Variants in LDLRAD3 observed in about 807,000 individuals in gnomAD.
The protein encoded by LDLRAD3 is low-density lipoprotein receptor class A domain-containing protein 3.
A neutral mutation model predicts 29.4 loss-of-function variants in LDLRAD3; 20 were observed. The observed-to-expected ratio is 0.68, with a 90% CI of 0.48 to 0.99. LDLRAD3 has a LOEUF of 0.99. LDLRAD3 is among the 50% of genes least tolerant of loss of function. The pLI is 0.00. For synonymous variants in LDLRAD3, 157 were observed against 192.7 expected (o/e 0.81, Z 1.53); for missense variants, 420 against 454.3 (o/e 0.92, Z 0.69).
intron 4 of LDLRAD3, among the ~76,000 whole-genome samples, chr11:36,130,662 G>A (rs536077488): frequency 1.3e-5 from 2 of 152,274 alleles, no homozygotes; most frequent in East Asian, 3.9e-4. Context: ...TGCTTTGTGC[G>A]AGTCATTCAG....
At chr11:35,977,921 G>A (rs1222171790) in intron 1 of LDLRAD3, among the ~76,000 whole-genome samples, 1 of 152,134 alleles carries the variant, frequency 6.6e-6, no homozygotes, top group Non-Finnish European at 1.5e-5. Flanking sequence ...AAGAATTTTG[G>A]AGGTACACAG....
intron 1 of LDLRAD3, among the ~76,000 whole-genome samples, chr11:35,972,102 T>A (rs192464984): frequency 1.5e-4 from 23 of 152,104 alleles, no homozygotes; most frequent in Middle Eastern, 3.4e-3. Context: ...AGTACTGGCA[T>A]CTAGATGACC....
chr11:36,174,763 C>T (rs1356391939), intron 4 of LDLRAD3, among the ~76,000 whole-genome samples: 4 of 152,116 alleles, frequency 2.6e-5, no homozygotes, highest in Non-Finnish European at 4.4e-5. Flanking sequence ...AGGCGGATCA[C>T]GAGGTCAGGA....
intron 2 of LDLRAD3, among the ~76,000 whole-genome samples, chr11:36,078,181 C>T (rs542247768): frequency 6.6e-6 from 1 of 152,262 alleles, no homozygotes; most frequent in South Asian, 2.1e-4. Flanking sequence ...ATGGGCAGGC[C>T]TGGAAAAGTT....
intron 1 of LDLRAD3, among the ~76,000 whole-genome samples, chr11:35,970,735 C>G (rs971201496): frequency 3.3e-5 from 5 of 152,194 alleles, no homozygotes; most frequent in Admixed American, 6.5e-5. Context: ...ATGCCGCTGC[C>G]AAGTCCATGC....
chr11:36,004,080 G>A (rs114354446), intron 1 of LDLRAD3, among the ~76,000 whole-genome samples: 12 of 152,210 alleles, frequency 7.9e-5, no homozygotes, highest in African/African-American at 2.2e-4. Flanking sequence ...TATTGCACCC[G>A]TGACCCCTCC....
chr11:36,122,745 G>A (rs1236395655), intron 4 of LDLRAD3, among the ~76,000 whole-genome samples: 1 of 152,104 alleles, frequency 6.6e-6, no homozygotes, highest in Non-Finnish European at 1.5e-5. Context: ...ACTGCCTGGT[G>A]TGATGGTTCA....
At chr11:36,146,452 T>C (rs1854195326) in intron 4 of LDLRAD3, among the ~76,000 whole-genome samples, 1 of 152,254 alleles carries the variant, frequency 6.6e-6, no homozygotes, top group Non-Finnish European at 1.5e-5. Flanking sequence ...ATAAGCTGCT[T>C]CTACATATCA....
intron 4 of LDLRAD3, among the ~76,000 whole-genome samples, chr11:36,224,109 T>A (rs952706252): frequency 6.7e-6 from 1 of 149,560 alleles, no homozygotes; most frequent in Non-Finnish European, 1.5e-5. Context: ...TAATAATAAT[T>A]ATTATTTTGT....
At chr11:36,078,322 T>C (rs1270990061) in intron 2 of LDLRAD3, among the ~76,000 whole-genome samples, 2 of 152,210 alleles carry the variant, frequency 1.3e-5, no homozygotes, top group African/African-American at 2.4e-5. Context: ...CCTTTCATGG[T>C]GCCCAGGTTT....
chr11:36,178,057 G>A (rs1228780914), intron 4 of LDLRAD3, among the ~76,000 whole-genome samples: 1 of 152,164 alleles, frequency 6.6e-6, no homozygotes, highest in Non-Finnish European at 1.5e-5. Context: ...TCCTGTGGTG[G>A]TTTTTGGAGC....
At chr11:36,185,074 A>T (rs1396213080) in intron 4 of LDLRAD3, among the ~76,000 whole-genome samples, 3 of 152,076 alleles carry the variant, frequency 2.0e-5, no homozygotes, top group Non-Finnish European at 2.9e-5. Context: ...AGTAGGGGAG[A>T]TGGTTTGCAT....
At position 35,984,993 on chromosome 11, in the gene LDLRAD3, T is replaced by G. The variant is rs1851591465; in HGVS notation, c.46+40849T>G. On this transcript the variant is annotated intron_variant, in intron 1 of 5. Transcript: ENST00000315571. Reference sequence around the variant, plus strand: ...CCCACTATGTGCAGTGGCATGAACATAGCTCACTGCAGCCTCGAACTCCTG... The same window carrying G: ...CCCACTATGTGCAGTGGCATGAACAGAGCTCACTGCAGCCTCGAACTCCTG... Among the ~76,000 whole-genome samples, 11 of 148,860 alleles carry G rather than the reference T, an allele frequency of 7.4e-5. No homozygotes were observed. In the South Asian group the frequency reaches 2.4e-3, roughly 32 times the overall value.
intron 4 of LDLRAD3, among the ~76,000 whole-genome samples, chr11:36,124,078 G>A (rs952946202): frequency 1.3e-5 from 2 of 152,226 alleles, no homozygotes; most frequent in African/African-American, 4.8e-5. Context: ...GCATTTGCCT[G>A]CATAATTGTC....
At chr11:36,051,759 G>C (rs1394516854) in intron 2 of LDLRAD3, among the ~76,000 whole-genome samples, 1 of 151,638 alleles carries the variant, frequency 6.6e-6, no homozygotes, top group Non-Finnish European at 1.5e-5. Flanking sequence ...CAAACAAAAA[G>C]AAAGAAAAGA....
At chr11:36,136,981 G>A (rs879442152) in intron 4 of LDLRAD3, among the ~76,000 whole-genome samples, 6 of 152,094 alleles carry the variant, frequency 3.9e-5, no homozygotes, top group Non-Finnish European at 7.4e-5. Context: ...ATGAGCCACC[G>A]CACCCAGCCT....
intron 4 of LDLRAD3, among the ~76,000 whole-genome samples, chr11:36,143,392 T>G (rs2133317688): frequency 6.6e-6 from 1 of 152,342 alleles, no homozygotes; most frequent in Admixed American, 6.5e-5. Context: ...TGAATGTGGC[T>G]TTGACCACTC....
chr11:36,057,129 G>A (rs1414290733), intron 2 of LDLRAD3, among the ~76,000 whole-genome samples: 1 of 152,072 alleles, frequency 6.6e-6, no homozygotes, highest in African/African-American at 2.4e-5. Context: ...GACCTTTCTG[G>A]GATATTCTCA....
chr11:36,183,787 G>A (rs889113165), intron 4 of LDLRAD3, among the ~76,000 whole-genome samples: 2 of 151,998 alleles, frequency 1.3e-5, no homozygotes, highest in African/African-American at 4.8e-5. Context: ...TTCTCTTTTT[G>A]TGTCTCTTTC....
Sources: allele counts gnomAD v4.1 joint callset (sites outside exome capture counted in the v4.1 genomes callset), GRCh38; gene constraint gnomAD v4.1.1; transcripts MANE v1.5; gene names NCBI Gene and HGNC (gene_info 2026-07-23, HGNC 2026-07-21).